Variants in PHRF1 observed in about 807,000 individuals in gnomAD.
PHRF1 encodes PHD and RING finger domain-containing protein 1.
In PHRF1, 53 loss-of-function variants were observed where a neutral mutation model predicts 128.9. That is an observed-to-expected ratio of 0.41 (90% CI 0.33 to 0.52). PHRF1 has a LOEUF of 0.52. PHRF1 is among the 20% of genes least tolerant of loss of function. PHRF1 has a pLI of 0.21. For missense variants in PHRF1, 2,503 were observed against 2,284.5 expected, an observed-to-expected ratio of 1.10 and a Z score of -1.95; for synonymous variants, 1,178 against 980.6, an observed-to-expected ratio of 1.20 and a Z score of -3.76.
At position 608,563 on chromosome 11, in the gene PHRF1, C is replaced by T; in HGVS notation, c.3107C>T (p.Ser1036Leu). ...RDRSSRSASP[S>L]VGEERPRRQR... ...AGGAGCTCGAGGTCAGCGTCACCAT[C>T]AGTGGGTGAGGAGCGCCCCAGGAGG... The change falls in exon 14 of 18, where the codon TCA (serine) becomes TTA (leucine). Residue 1036 changes from serine to leucine, a missense_variant. Coordinates refer to ENST00000264555, the MANE Select transcript of PHRF1 (RefSeq NM_001286581.2). 1 of 1,612,334 alleles carries T rather than the reference C, an allele frequency of 6.2e-7. No individual in the cohort carries two copies. The highest frequency in any genetic ancestry group is 8.5e-7 in the Non-Finnish European group (1 of 1,179,816).
chr11:595,849 A>G (rs968074976), intron 6 of PHRF1, among the ~76,000 whole-genome samples: 1 of 152,094 alleles, frequency 6.6e-6, no homozygotes, highest in Non-Finnish European at 1.5e-5. Context: ...ATAAGAACAG[A>G]TGTTAGGGGA....
chr11:595,941 G>A (rs536060874), intron 6 of PHRF1, among the ~76,000 whole-genome samples: 3 of 152,332 alleles, frequency 2.0e-5, no homozygotes, highest in East Asian at 1.9e-4. Context: ...CGGGGCAGTC[G>A]GCTTCTCTTC....
intron 4 of PHRF1, 30 bp downstream of exon 4, chr11:587,494 C>T: frequency 6.2e-7 from 1 of 1,608,072 alleles, no homozygotes; most frequent in Non-Finnish European, 8.5e-7. Flanking sequence ...GGTGCTTCCT[C>T]CCTTCAGGAT....
chr11:600,241 A>G (rs1049772757), intron 9 of PHRF1, among the ~76,000 whole-genome samples: 3 of 147,628 alleles, frequency 2.0e-5, no homozygotes, highest in African/African-American at 7.5e-5. Context: ...ATAGGAACAC[A>G]TTATTTTTAT....
chr11:608,817 A>T lies in PHRF1; in HGVS notation c.3361A>T (p.Arg1121Trp), dbSNP rs1856140705. 1.9e-6 allele frequency: 3 copies of T among 1,612,040 alleles called. No homozygotes were observed. The highest frequency in any genetic ancestry group is 2.5e-6 in the Non-Finnish European group (3 of 1,179,798). Residue 1121 changes from arginine to tryptophan, a missense_variant, in exon 14 of 18, where the codon AGG (arginine) becomes TGG (tryptophan). Coordinates refer to ENST00000264555, the MANE Select transcript of PHRF1 (RefSeq NM_001286581.2). Reference sequence around the variant, plus strand: ...GAGATCAGCGTCCAGACCTCGGGGAAGGGAGTGCTCCCCCACCAGCAGCCT... The same window carrying T: ...GAGATCAGCGTCCAGACCTCGGGGATGGGAGTGCTCCCCCACCAGCAGCCT... ...KRRSASRPRG[R>W]ECSPTSSLER...
In PHRF1 at chr11:607,702, G is replaced by A. The variant is rs372916162; in HGVS notation, c.2246G>A (p.Arg749Gln). 9.3e-6 allele frequency: 15 copies of A among 1,610,126 alleles called. No individual in the cohort carries two copies. Among genetic ancestry groups the A allele is most frequent in the Middle Eastern group, 1.6e-4 (1 of 6,062 alleles). ...REPGVHTGSSRPPAPSSHGSL... is the reference protein window; with the variant it reads ...REPGVHTGSSQPPAPSSHGSL... ...CCCGGGGTGCACACGGGCAGCTCCCGGCCCCCAGCCCCCAGCTCCCATGGC... is the reference window on the plus strand; with the variant it reads ...CCCGGGGTGCACACGGGCAGCTCCCAGCCCCCAGCCCCCAGCTCCCATGGC... Residue 749 changes from arginine (R) to glutamine (Q), a missense_variant, in exon 14 of 18, where the codon CGG becomes CAG. By Grantham distance (43) the Arg-to-Gln change is conservative (BLOSUM62 1). Transcript: ENST00000264555.
chr11:610,923 C>G, intron 16 of PHRF1, 31 bp from the exon 17 acceptor site: 5 of 1,608,432 alleles, frequency 3.1e-6, no homozygotes, highest in Non-Finnish European at 4.2e-6. Context: ...CGGCTCCCTT[C>G]CTGGCCGCAT....
intron 1 of PHRF1, among the ~76,000 whole-genome samples, chr11:576,936 C>CG (rs1426761833): frequency 6.6e-6 from 1 of 151,690 alleles, no homozygotes; most frequent in African/African-American, 2.4e-5. Context: ...CCGTGGCCTG[C>CG]GGGCGGACGT....
Position 609,020 on chromosome 11 carries a change from G to T in PHRF1, c.3564G>T (p.Arg1188=). The T allele has an allele frequency of 6.3e-7, 1 of 1,596,810 alleles. No individual in the cohort carries two copies. The highest frequency in any genetic ancestry group is 8.5e-7 in the Non-Finnish European group (1 of 1,172,686). ...PRSREKWPQT[R]SHSPERKGAV... Reference sequence around the variant, plus strand: ...CCCGTGAGAAGTGGCCGCAGACCCGGTCCCATTCCCCAGAGAGGAAGGGGG... The same window carrying T: ...CCCGTGAGAAGTGGCCGCAGACCCGTTCCCATTCCCCAGAGAGGAAGGGGG... The change falls in exon 14 of 18, where the codon CGG becomes CGT. Residue 1188 remains arginine, a synonymous_variant. Transcript: ENST00000264555.
At chr11:579,376 G>A (rs1441002312) in intron 1 of PHRF1, among the ~76,000 whole-genome samples, 7 of 152,118 alleles carry the variant, frequency 4.6e-5, no homozygotes, top group East Asian at 1.9e-4. Flanking sequence ...GACTGCATTC[G>A]CCTTGTGCTG....
intron 15 of PHRF1, 52 bp downstream of exon 15, chr11:610,399 G>T (rs1451455856): frequency 1.3e-6 from 2 of 1,535,802 alleles, no homozygotes; most frequent in Non-Finnish European, 1.8e-6. Context: ...CCTGGCACCC[G>T]TGCCACACAC....
chr11:586,776 A>G (rs901304291), intron 3 of PHRF1, among the ~76,000 whole-genome samples: 1 of 152,116 alleles, frequency 6.6e-6, no homozygotes, highest in Admixed American at 6.6e-5. Context: ...GGGAGGAGGA[A>G]CAGGCAACCT....
At chr11:589,835 AG>A (rs1854834167) in intron 4 of PHRF1, among the ~76,000 whole-genome samples, 1 of 138,042 alleles carries the variant, frequency 7.2e-6, no homozygotes, top group African/African-American at 3.3e-5. Flanking sequence ...TCAGCCTGAG[AG>A]AGAGTCTGCA....
intron 14 of PHRF1, among the ~76,000 whole-genome samples, 190 bp downstream of exon 14, chr11:609,910 C>G (rs565060640): frequency 6.6e-6 from 1 of 152,290 alleles, no homozygotes; most frequent in East Asian, 1.9e-4. Flanking sequence ...AGGACAGGGC[C>G]CCTGAGTGAG....
Position 610,587 on chromosome 11 carries a change from C to T in PHRF1, c.4503C>T (p.Phe1501=). 6.2e-7 allele frequency: 1 copy of T among 1,606,670 alleles called. No homozygotes were observed. Among genetic ancestry groups the T allele is most frequent in the Non-Finnish European group, 8.5e-7 (1 of 1,179,778 alleles). Residue 1501 remains phenylalanine, a synonymous_variant, in exon 16 of 18, where the codon TTC becomes TTT. Transcript: ENST00000264555. ...TGGTCAGCCAGCCCACGGTCCAGTT[C>T]ATCCTTCAGGGGAGCCTGCCGCTAG... ...CALVSQPTVQ[F]ILQGSLPLVG... is the part of the protein sequence containing the mutation.
intron 14 of PHRF1, 95 bp downstream of exon 14, chr11:609,815 G>A (rs1048357169): frequency 9.8e-6 from 8 of 813,086 alleles, no homozygotes; most frequent in African/African-American, 4.8e-5. Flanking sequence ...GTAAGGCCCC[G>A]GCCTCCACCG....
intron 10 of PHRF1, 109 bp downstream of exon 10, chr11:601,810 T>A: frequency 7.3e-7 from 1 of 1,371,714 alleles, no homozygotes; most frequent in Non-Finnish European, 1.0e-6. Flanking sequence ...CGCGCGGTTA[T>A]GGAGCAGGGA....
chr11:611,166 G>A, intron 17 of PHRF1, 84 bp downstream of exon 17: 1 of 1,576,226 alleles, frequency 6.3e-7, no homozygotes, highest in Non-Finnish European at 8.6e-7. Context: ...ACTTTGGGGT[G>A]GCCATGAGTG....
rs760363323 is a variant in PHRF1 at position 607,153 on chromosome 11, C to T, written c.1697C>T (p.Ser566Phe). 7 of 1,612,980 alleles carry T rather than the reference C, an allele frequency of 4.3e-6. No individual in the cohort carries two copies. Among genetic ancestry groups the T allele is most frequent in the Non-Finnish European group, 5.9e-6 (7 of 1,179,794 alleles). ...KGCLQPRALP[S>F]GSPAQGPSGN... Reference sequence around the variant, plus strand: ...TGCCTGCAGCCCCGAGCACTGCCCTCCGGGAGCCCGGCCCAAGGCCCGTCA... The same window carrying T: ...TGCCTGCAGCCCCGAGCACTGCCCTTCGGGAGCCCGGCCCAAGGCCCGTCA... The change falls in exon 14 of 18, where the codon TCC becomes TTC. Residue 566 changes from serine to phenylalanine, a missense_variant. Ser to Phe is a radical substitution (Grantham distance 155). Coordinates refer to ENST00000264555, the MANE Select transcript of PHRF1 (RefSeq NM_001286581.2).
Sources: gnomAD v4.1 joint callset for allele counts (sites outside exome capture counted in the v4.1 genomes callset) on GRCh38, gnomAD v4.1.1 for gene constraint, MANE v1.5 for transcripts, NCBI Gene and HGNC (gene_info 2026-07-23, HGNC 2026-07-21) for gene names.